Variants in MOV10L1 observed in about 807,000 individuals in gnomAD.
MOV10L1 encodes the protein Mov10 like RNA helicase 1.
MOV10L1 carries 110 observed loss-of-function variants against 143.8 expected under a neutral mutation model. The ratio of observed to expected loss-of-function variants is 0.76; its 90% confidence interval spans 0.66 to 0.90. MOV10L1 has a LOEUF of 0.90. Ranked by LOEUF, MOV10L1 falls within the 40% of genes least tolerant of loss-of-function variation. The pLI, the probability that MOV10L1 is intolerant of heterozygous loss-of-function variation, is 0.00. For synonymous variants in MOV10L1, 593 were observed against 581.1 expected (o/e 1.02, Z -0.29); for missense variants, 1,406 against 1,526.8 (o/e 0.92, Z 1.32).
chr22:50,132,444 G>T (rs138252), intron 13 of MOV10L1, among the ~76,000 whole-genome samples: 83,330 of 151,920 alleles, frequency 0.55, 23,361 homozygotes, highest in Admixed American at 0.65. Context: ...CCCTTGAAAA[G>T]GGTATGTCTC....
intron 5 of MOV10L1, among the ~76,000 whole-genome samples, chr22:50,112,211 T>C (rs974892439): frequency 3.9e-5 from 6 of 152,204 alleles, no homozygotes; most frequent in African/African-American, 1.4e-4. Flanking sequence ...CTAGGGCCCA[T>C]CCTGTGGGGC....
chr22:50,121,362 G>A (rs1415543799), intron 10 of MOV10L1, among the ~76,000 whole-genome samples: 5 of 152,300 alleles, frequency 3.3e-5, no homozygotes, highest in African/African-American at 7.2e-5. Context: ...CCCCATGACC[G>A]GGGTTCCTCA....
rs763289947 is a variant in MOV10L1, at chr22:50,143,240, C to T, written c.2358+19C>T. 45 of 1,612,628 alleles carry T rather than the reference C, an allele frequency of 2.8e-5. No homozygotes were observed. Among genetic ancestry groups the T allele is most frequent in the East Asian group, 4.5e-5 (2 of 44,886 alleles). On this transcript the variant is annotated intron_variant, in intron 17 of 26. Coordinates refer to ENST00000262794, the MANE Select transcript of MOV10L1 (RefSeq NM_018995.3). The stretch of plus-strand genomic sequence containing the variant: ...TTTACAGGTAAGGACAGCGGCGCCG[C>T]GGGTGCTGTGGCTCTGTGCTGCTGT...
At chr22:50,101,905 G>A (rs1362408630) in intron 3 of MOV10L1, among the ~76,000 whole-genome samples, 1 of 152,320 alleles carries the variant, frequency 6.6e-6, no homozygotes, top group East Asian at 1.9e-4. Flanking sequence ...GAAACGCTCA[G>A]TTCTGGGGAA....
intron 16 of MOV10L1, among the ~76,000 whole-genome samples, chr22:50,142,671 A>G (rs1415155945): frequency 2.0e-5 from 3 of 151,836 alleles, no homozygotes; most frequent in Non-Finnish European, 4.4e-5. Context: ...TCTATAAAAA[A>G]AAAAAAATAC....
intron 13 of MOV10L1, 33 bp downstream of exon 13, chr22:50,128,540 CTT>C (rs36022529): frequency 0.067 from 31,414 of 470,744 alleles, 1 homozygote; most frequent in East Asian, 0.1. Context: ...TTTCAAATGT[CTT>C]TTTTTTTTTT....
Position 50,128,464 on chromosome 22 carries a change from G to A in MOV10L1, c.1867G>A (p.Ala623Thr), listed in dbSNP as rs1238323066. The A allele has an allele frequency of 2.6e-6, 4 of 1,551,896 alleles. No individual in the cohort carries two copies. The highest frequency in any genetic ancestry group is 3.5e-6 in the Non-Finnish European group (4 of 1,129,942). Residue 623 changes from alanine to threonine, a missense_variant, in exon 13 of 27, where the codon GCC (alanine) becomes ACC (threonine). By Grantham distance (58) the Ala-to-Thr change is moderately conservative (BLOSUM62 0). Coordinates refer to ENST00000262794, the MANE Select transcript of MOV10L1 (RefSeq NM_018995.3). ...TLKINPEFEQ[A>T]YNFEPMDVEF... is the part of the protein sequence containing the mutation. Reference sequence around the variant, plus strand: ...TAAAATTAATCCAGAATTTGAACAAGCCTATAACTTTGAACCTATGGATGT... The same window carrying A: ...TAAAATTAATCCAGAATTTGAACAAACCTATAACTTTGAACCTATGGATGT...
At chr22:50,124,806 T>C (rs1380964214) in intron 10 of MOV10L1, among the ~76,000 whole-genome samples, 1 of 152,170 alleles carries the variant, frequency 6.6e-6, no homozygotes, top group Non-Finnish European at 1.5e-5. Context: ...TTAGAAACCA[T>C]GCAGCATCCC....
chr22:50,137,270 T>TC (rs1366162061), intron 15 of MOV10L1, among the ~76,000 whole-genome samples: 4 of 152,116 alleles, frequency 2.6e-5, no homozygotes, highest in African/African-American at 9.7e-5. Flanking sequence ...TTCCATGTGT[T>TC]CAAGAAAGTA....
chr22:50,092,616 T>A (rs567478686), intron 2 of MOV10L1: 3 of 165,226 alleles, frequency 1.8e-5, no homozygotes, highest in Admixed American at 5.8e-5. Context: ...CCAGCCTGGA[T>A]GACAGAGCAA....
chr22:50,122,995 G>A (rs1415466683), intron 10 of MOV10L1, among the ~76,000 whole-genome samples: 1 of 151,964 alleles, frequency 6.6e-6, no homozygotes, highest in Admixed American at 6.6e-5. Flanking sequence ...ACCACACCCA[G>A]CCTGATTTTC....
In MOV10L1 at chr22:50,152,938, TG is replaced by T. The variant is rs2063336152; in HGVS notation, c.2893-105del. 1 of 1,180,134 alleles carries T rather than the reference TG, an allele frequency of 8.5e-7. No individual in the cohort carries two copies. The highest frequency in any genetic ancestry group is 1.5e-5 in the African/African-American group (1 of 65,638). 73.1% of individuals were successfully genotyped at this position (1,180,134 alleles called of 1,614,324 possible). On this transcript the variant is annotated intron_variant, in intron 21 of 26. Transcript: ENST00000262794. This position sits in a 1 kb window ranked among gnomAD's most constrained non-coding sequence, Gnocchi z 4.4. ...AGGGGCGCAGGAGCAGAGTCAGGCT[TG>T]GAAGTCAGGCAGGCCTCACGTTTGC... is the stretch of plus-strand genomic sequence containing the variant.
chr22:50,121,098 GTC>G (rs2062328829), intron 10 of MOV10L1, among the ~76,000 whole-genome samples: 1 of 152,214 alleles, frequency 6.6e-6, no homozygotes, highest in Admixed American at 6.5e-5. Context: ...AGGAAGAAAA[GTC>G]TATAAATTTG....
At chr22:50,106,950 C>G (rs1469165436) in intron 3 of MOV10L1, among the ~76,000 whole-genome samples, 1 of 151,918 alleles carries the variant, frequency 6.6e-6, no homozygotes, top group Admixed American at 6.6e-5. Context: ...ATCCACCCGC[C>G]TCGGCCTCCC....
chr22:50,145,841 G>A (rs2147377433), intron 19 of MOV10L1, 31 bp downstream of exon 19: 1 of 1,611,560 alleles, frequency 6.2e-7, no homozygotes, highest in Non-Finnish European at 8.5e-7. Flanking sequence ...GCGGCATGGG[G>A]CCTCCCAGGG....
Position 50,159,817 on chromosome 22 carries a change from A to T in MOV10L1, c.3324+32A>T. On this transcript the variant is annotated intron_variant, in intron 24 of 26. Coordinates refer to ENST00000262794, the MANE Select transcript of MOV10L1 (RefSeq NM_018995.3). The surrounding 1 kb of genome is among the most constrained non-coding windows in gnomAD (Gnocchi z 4.1). Reference sequence around the variant, plus strand: ...ATCCCTGTTCTCCGTGGGGATGGACAGTCAGGTGCTTGCTGCCCTGGGGGT... The same window carrying T: ...ATCCCTGTTCTCCGTGGGGATGGACTGTCAGGTGCTTGCTGCCCTGGGGGT... 1 of 1,457,826 alleles carries T rather than the reference A, an allele frequency of 6.9e-7. No individual in the cohort carries two copies. The highest frequency in any genetic ancestry group is 9.6e-7 in the Non-Finnish European group (1 of 1,042,268). The allele number at this position is 1,457,826 out of a possible 1,614,324, so 90.3% of individuals were successfully genotyped here.
chr22:50,130,122 A>G (rs1373057354), intron 13 of MOV10L1, among the ~76,000 whole-genome samples: 1 of 152,166 alleles, frequency 6.6e-6, no homozygotes, highest in Non-Finnish European at 1.5e-5. Flanking sequence ...CTAAAAATAC[A>G]AAACTTAGTG....
chr22:50,135,533 A>C (rs1404523600), intron 15 of MOV10L1, among the ~76,000 whole-genome samples: 1 of 151,726 alleles, frequency 6.6e-6, no homozygotes, highest in Non-Finnish European at 1.5e-5. Flanking sequence ...CGGGCAGATC[A>C]TGAGATCAGG....
At chr22:50,110,912 CAG>C (rs1171136230) in intron 5 of MOV10L1, among the ~76,000 whole-genome samples, 3 of 151,766 alleles carry the variant, frequency 2.0e-5, no homozygotes, top group African/African-American at 7.3e-5. Flanking sequence ...GCCTGGGTAA[CAG>C]AGCCAGACTC....
Sources: gnomAD v4.1 joint callset for allele counts (sites outside exome capture counted in the v4.1 genomes callset) on GRCh38, gnomAD v4.1.1 for gene constraint, Gnocchi (gnomAD v3.1) non-coding constraint, MANE v1.5 for transcripts, NCBI Gene and HGNC (gene_info 2026-07-23, HGNC 2026-07-21) for gene names.